CPS1: variants seen among roughly 807,000 people sequenced by gnomAD.
CPS1 encodes the protein carbamoyl-phosphate synthase [ammonia], mitochondrial.
CPS1 carries 109 observed loss-of-function variants against 174.6 expected under a neutral mutation model. The observed-to-expected ratio is 0.62, with a 90% CI of 0.53 to 0.73. The LOEUF (loss-of-function observed/expected upper bound fraction) is 0.73. Ranked by LOEUF, CPS1 falls within the 30% of genes least tolerant of loss-of-function variation. The pLI is 0.00. For synonymous variants in CPS1, 637 were observed against 632.0 expected (o/e 1.01, Z -0.12); for missense variants, 1,689 against 1,821.9 (o/e 0.93, Z 1.33).
intron 10 of CPS1, among the ~76,000 whole-genome samples, chr2:210,592,200 A>G (rs1245324937): frequency 2.0e-5 from 3 of 152,060 alleles, no homozygotes; most frequent in Non-Finnish European, 4.4e-5. Flanking sequence ...TATGCAATAA[A>G]TTATTCACTC....
intron 1 of CPS1, among the ~76,000 whole-genome samples, chr2:210,484,710 C>G (rs1256647084): frequency 1.3e-5 from 2 of 152,138 alleles, no homozygotes; most frequent in Non-Finnish European, 2.9e-5. Flanking sequence ...CTTCCTTACC[C>G]CTCCCTAAAT....
At chr2:210,558,647 C>G (rs1042375172) in intron 1 of CPS1, among the ~76,000 whole-genome samples, 1 of 151,970 alleles carries the variant, frequency 6.6e-6, no homozygotes, top group Non-Finnish European at 1.5e-5. Flanking sequence ...CTTCATCAGA[C>G]CCCAGAAACC....
chr2:210,493,992 A>G (rs192172692), intron 1 of CPS1, among the ~76,000 whole-genome samples: 55 of 152,330 alleles, frequency 3.6e-4, no homozygotes, highest in Non-Finnish European at 7.1e-4. Context: ...CTGAACTACC[A>G]ATAGACTATT....
At chr2:210,564,445 G>A (rs1168293470) in intron 1 of CPS1, among the ~76,000 whole-genome samples, 1 of 151,598 alleles carries the variant, frequency 6.6e-6, no homozygotes, top group Non-Finnish European at 1.5e-5. Context: ...CTGCGATCTC[G>A]GCTCACTGCA....
At chr2:210,674,740 C>T (rs1180010624) in intron 34 of CPS1, 162 bp from the exon 35 acceptor site, 8 of 663,388 alleles carry the variant, frequency 1.2e-5, no homozygotes, top group Non-Finnish European at 1.9e-5. Flanking sequence ...CTAAAACTCA[C>T]ACTCACCATA....
At chr2:210,650,053 G>T (rs1700511022) in intron 27 of CPS1, among the ~76,000 whole-genome samples, 1 of 152,178 alleles carries the variant, frequency 6.6e-6, no homozygotes, top group South Asian at 2.1e-4. Context: ...CCAGCAGAGT[G>T]TTAATGTAGC....
intron 20 of CPS1, among the ~76,000 whole-genome samples, chr2:210,613,957 C>G (rs752542239): frequency 6.6e-6 from 1 of 151,742 alleles, no homozygotes; most frequent in Admixed American, 6.6e-5. Context: ...AGTGTAAGGA[C>G]GGTGGAGGGC....
intron 1 of CPS1, among the ~76,000 whole-genome samples, chr2:210,525,712 G>A (rs1695953652): frequency 6.6e-6 from 1 of 151,542 alleles, no homozygotes; most frequent in African/African-American, 2.4e-5. Context: ...ATGGCTTGCA[G>A]GAGAGGATAG....
At position 210,591,871 on chromosome 2, in the gene CPS1, G is replaced by T. The variant is rs1182193993; in HGVS notation, c.988G>T (p.Ala330Ser). ...TGTTTTGAATATCACAAACAAACAG[G>T]CTTTCATTACTGCTCAGAATCATGG... Reference protein sequence around the residue: ...QPVLNITNKQAFITAQNHGYA... With the variant: ...QPVLNITNKQSFITAQNHGYA... Residue 330 changes from alanine (A) to serine (S), a missense_variant, in exon 10 of 38, where the codon GCT becomes TCT. Ala to Ser is a moderately conservative substitution (Grantham distance 99). Transcript: ENST00000233072. 1.2e-6 allele frequency: 2 copies of T among 1,612,380 alleles called. No homozygotes were observed. The highest frequency in any genetic ancestry group is 1.7e-6 in the Non-Finnish European group (2 of 1,179,076).
chr2:210,651,208 T>G (rs1412311038), intron 28 of CPS1, among the ~76,000 whole-genome samples: 1 of 152,018 alleles, frequency 6.6e-6, no homozygotes, highest in Non-Finnish European at 1.5e-5. Context: ...CAAGTGGAAT[T>G]TGGAGGGAGG....
At chr2:210,646,272 A>G (rs1370808684) in intron 25 of CPS1, among the ~76,000 whole-genome samples, 2 of 152,204 alleles carry the variant, frequency 1.3e-5, no homozygotes, top group African/African-American at 2.4e-5. Flanking sequence ...ATAAGGAAAT[A>G]AAAAGATTAT....
chr2:210,610,254 G>A (rs1202765696), intron 19 of CPS1, among the ~76,000 whole-genome samples: 1 of 151,870 alleles, frequency 6.6e-6, no homozygotes, highest in Non-Finnish European at 1.5e-5. Context: ...AGAAAATTAT[G>A]TAATATTTTC....
intron 3 of CPS1, chr2:210,577,117 G>T: frequency 2.7e-6 from 1 of 371,392 alleles, no homozygotes; most frequent in East Asian, 5.7e-5. Flanking sequence ...TGTTCATCAT[G>T]TGCATTAAGC....
chr2:210,638,497 C>T (rs990082641), intron 22 of CPS1, among the ~76,000 whole-genome samples: 1 of 152,122 alleles, frequency 6.6e-6, no homozygotes, highest in Non-Finnish European at 1.5e-5. Flanking sequence ...GCTCAAGGGG[C>T]ACGTGCATAC....
intron 1 of CPS1, among the ~76,000 whole-genome samples, chr2:210,544,370 T>C (rs1696510021): frequency 6.6e-6 from 1 of 152,100 alleles, no homozygotes; most frequent in East Asian, 1.9e-4. Flanking sequence ...TCAATTTTCT[T>C]ATGAGAAAAT....
At chr2:210,584,092 G>T (rs968690111) in intron 6 of CPS1, among the ~76,000 whole-genome samples, 1 of 152,100 alleles carries the variant, frequency 6.6e-6, no homozygotes, top group Admixed American at 6.6e-5. Context: ...TTTTTTTAAA[G>T]AAAAGTTTTT....
At chr2:210,520,675 T>G (rs1266419761) in intron 1 of CPS1, among the ~76,000 whole-genome samples, 1 of 152,098 alleles carries the variant, frequency 6.6e-6, no homozygotes, top group East Asian at 1.9e-4. Context: ...TTCTAAAATT[T>G]TATACAAATG....
chr2:210,662,654 G>A (rs1310251425), intron 32 of CPS1, among the ~76,000 whole-genome samples: 1 of 152,210 alleles, frequency 6.6e-6, no homozygotes, highest in Non-Finnish European at 1.5e-5. Context: ...ACAGTTTAAT[G>A]CCTCAGAAAC....
chr2:210,599,256 C>A, intron 13 of CPS1, 116 bp from the exon 14 acceptor site: 1 of 879,252 alleles, frequency 1.1e-6, no homozygotes, highest in Non-Finnish European at 1.9e-6. Context: ...TGTTACGGAT[C>A]TCTACGGCCC....
Sources: gnomAD v4.1 joint callset for allele counts (sites outside exome capture counted in the v4.1 genomes callset) on GRCh38, gnomAD v4.1.1 for gene constraint, MANE v1.5 for transcripts, NCBI Gene and HGNC (gene_info 2026-07-23, HGNC 2026-07-21) for gene names.